Variants in MAGI2 observed in about 807,000 individuals in gnomAD.
The protein encoded by MAGI2 is membrane associated guanylate kinase, WW and PDZ domain containing 2.
A neutral mutation model predicts 133.3 loss-of-function variants in MAGI2; 35 were observed. The observed-to-expected ratio is 0.26, with a 90% CI of 0.20 to 0.35. MAGI2 has a LOEUF of 0.35. Among genes scored for constraint, MAGI2 ranks in the 10% least tolerant of loss-of-function variants. MAGI2 has a pLI of 1.00. For synonymous variants in MAGI2, 729 were observed against 710.6 expected (o/e 1.03, Z -0.41); for missense variants, 1,636 against 1,863.4 (o/e 0.88, Z 2.25).
chr7:78,843,187 T>C (rs73137294), intron 2 of MAGI2, among the ~76,000 whole-genome samples: 9,573 of 151,948 alleles, frequency 0.063, 371 homozygotes, highest in Middle Eastern at 0.11. Context: ...GGCCCCCAAG[T>C]TGTGACAACC....
At chr7:78,669,503 C>T (rs1293505854) in intron 2 of MAGI2, among the ~76,000 whole-genome samples, 2 of 152,140 alleles carry the variant, frequency 1.3e-5, no homozygotes, top group Non-Finnish European at 2.9e-5. Context: ...CAAGGAGGAG[C>T]TGGTACCATT....
intron 20 of MAGI2, among the ~76,000 whole-genome samples, chr7:78,103,633 C>T (rs1159593864): frequency 6.6e-6 from 1 of 152,236 alleles, no homozygotes; most frequent in African/African-American, 2.4e-5. Flanking sequence ...TGCCCAAACC[C>T]AGGCTCTTTC....
chr7:78,596,917 C>A (rs1804662675), intron 3 of MAGI2, among the ~76,000 whole-genome samples: 2 of 152,052 alleles, frequency 1.3e-5, no homozygotes, highest in Non-Finnish European at 2.9e-5. Context: ...CATAAATTAG[C>A]CCCAGGGAGT....
chr7:79,351,232 T>A (rs560937513), intron 1 of MAGI2, among the ~76,000 whole-genome samples: 4 of 152,156 alleles, frequency 2.6e-5, no homozygotes, highest in Non-Finnish European at 4.4e-5. Context: ...GGTTAAAGAA[T>A]TTACACTAAA....
intron 9 of MAGI2, among the ~76,000 whole-genome samples, chr7:78,294,685 C>T (rs1378437260): frequency 6.6e-6 from 1 of 152,154 alleles, no homozygotes; most frequent in Non-Finnish European, 1.5e-5. Flanking sequence ...AATTCACCAA[C>T]CAAGCAGCCA....
At chr7:79,244,890 T>C (rs1050322835) in intron 1 of MAGI2, among the ~76,000 whole-genome samples, 3 of 152,188 alleles carry the variant, frequency 2.0e-5, no homozygotes, top group East Asian at 3.9e-4. Context: ...AAGAGGACTT[T>C]GTCTTACAAC....
chr7:79,200,807 A>G (rs777614878), intron 1 of MAGI2, among the ~76,000 whole-genome samples: 2 of 151,882 alleles, frequency 1.3e-5, no homozygotes, highest in Non-Finnish European at 2.9e-5. Flanking sequence ...AACAGGCAGA[A>G]TTACTTCTAT....
intron 7 of MAGI2, among the ~76,000 whole-genome samples, chr7:78,359,880 T>A (rs1792593405): frequency 6.6e-6 from 1 of 152,220 alleles, no homozygotes; most frequent in African/African-American, 2.4e-5. Context: ...AAACCATTCA[T>A]TTAACAAATA....
chr7:78,294,865 G>T (rs925413308), intron 9 of MAGI2, among the ~76,000 whole-genome samples: 3 of 152,110 alleles, frequency 2.0e-5, no homozygotes, highest in African/African-American at 7.2e-5. Context: ...CGGTACAATA[G>T]TTACTGAAAC....
intron 9 of MAGI2, among the ~76,000 whole-genome samples, chr7:78,337,970 T>C (rs986731444): frequency 6.6e-6 from 1 of 152,182 alleles, no homozygotes; most frequent in Non-Finnish European, 1.5e-5. Flanking sequence ...CGCTGTTTTA[T>C]GTGCCAGGAG....
intron 6 of MAGI2, among the ~76,000 whole-genome samples, chr7:78,467,740 A>G (rs1790781426): frequency 6.6e-6 from 1 of 152,144 alleles, no homozygotes. Flanking sequence ...TGACTTACGT[A>G]CTAGGTTGTT....
chr7:78,529,466 C>T (rs10274572), intron 3 of MAGI2, among the ~76,000 whole-genome samples: 1 of 152,076 alleles, frequency 6.6e-6, no homozygotes, highest in Non-Finnish European at 1.5e-5. Flanking sequence ...AAATATACAT[C>T]TGCTTCCAAA....
chr7:78,080,667 C>T (rs987153507), intron 20 of MAGI2, among the ~76,000 whole-genome samples: 3 of 152,198 alleles, frequency 2.0e-5, no homozygotes, highest in Non-Finnish European at 4.4e-5. Context: ...ACTCACACGT[C>T]CAGCTGATTA....
At chr7:78,741,272 G>A (rs1005030719) in intron 2 of MAGI2, among the ~76,000 whole-genome samples, 4 of 151,742 alleles carry the variant, frequency 2.6e-5, no homozygotes, top group Non-Finnish European at 5.9e-5. Flanking sequence ...AACGTAATGA[G>A]AGTGAGGTGA....
At chr7:78,479,705 T>C (rs1038223764) in intron 6 of MAGI2, among the ~76,000 whole-genome samples, 2 of 151,894 alleles carry the variant, frequency 1.3e-5, no homozygotes, top group African/African-American at 4.8e-5. Context: ...GTATAATGAA[T>C]GTCCAGGATA....
At chr7:78,984,886 C>T (rs946788376) in intron 2 of MAGI2, among the ~76,000 whole-genome samples, 2 of 151,990 alleles carry the variant, frequency 1.3e-5, no homozygotes, top group Non-Finnish European at 2.9e-5. Context: ...CCTCCAGTAC[C>T]TAGAATAATG....
chr7:78,268,652 T>G (rs2150979964), intron 9 of MAGI2, among the ~76,000 whole-genome samples: 1 of 152,302 alleles, frequency 6.6e-6, no homozygotes, highest in East Asian at 1.9e-4. Context: ...TTATATAAGC[T>G]TATAAAATTT....
intron 6 of MAGI2, among the ~76,000 whole-genome samples, chr7:78,459,091 TTGAG>T (rs1789681221): frequency 2.6e-5 from 4 of 152,216 alleles, no homozygotes; most frequent in Non-Finnish European, 4.4e-5. Flanking sequence ...AGTAAAATAA[TTGAG>T]TATTTTTATA....
chr7:78,211,752 T>C (rs1787786273), intron 10 of MAGI2, among the ~76,000 whole-genome samples: 2 of 152,276 alleles, frequency 1.3e-5, no homozygotes, highest in Non-Finnish European at 2.9e-5. Context: ...TGTTCAACAA[T>C]TTATTGCCAC....
Sources: allele counts gnomAD v4.1 joint callset (sites outside exome capture counted in the v4.1 genomes callset), GRCh38; gene constraint gnomAD v4.1.1; transcripts MANE v1.5; gene names NCBI Gene and HGNC (gene_info 2026-07-23, HGNC 2026-07-21).